TMEM108: variants seen among roughly 807,000 people sequenced by gnomAD.
TMEM108 encodes transmembrane protein 108, also known as cancer/testis antigen 124.
A neutral mutation model predicts 35.1 loss-of-function variants in TMEM108; 12 were observed. The ratio of observed to expected loss-of-function variants is 0.34; its 90% CI spans 0.22 to 0.55. The LOEUF (loss-of-function observed/expected upper bound fraction) is 0.55. TMEM108 is among the 20% of genes least tolerant of loss of function. TMEM108 has a pLI of 0.89. For missense variants in TMEM108, 680 were observed against 753.3 expected (o/e 0.90, Z 1.14); for synonymous variants, 287 against 308.6 (o/e 0.93, Z 0.73).
At chr3:133,044,366 A>G (rs1014438843) in intron 1 of TMEM108, among the ~76,000 whole-genome samples, 2 of 152,154 alleles carry the variant, frequency 1.3e-5, no homozygotes, top group South Asian at 2.1e-4. Context: ...CTGTGACTCT[A>G]AGAAATTGTA....
rs573355835 is a variant in TMEM108 at position 133,297,138 on chromosome 3, A to T, written c.40+67787A>T. ...ATAATGCTCATTAGGCTTATAGCTC[A>T]CGCAAATTTAATTCAGAGTATTTCA... On this transcript the variant is annotated intron_variant, in intron 3 of 5. Coordinates refer to ENST00000321871, the MANE Select transcript of TMEM108 (RefSeq NM_023943.4). Among the ~76,000 whole-genome samples the T allele has an allele frequency of 2.0e-5, 3 of 152,378 alleles. No homozygotes were observed. The South Asian group carries it at 6.2e-4, about 32-fold the overall frequency.
chr3:133,311,871 A>G (rs896542209), intron 3 of TMEM108, among the ~76,000 whole-genome samples: 3 of 152,146 alleles, frequency 2.0e-5, no homozygotes, highest in African/African-American at 7.2e-5. Flanking sequence ...GTCTTTGATG[A>G]TGGTGACCTA....
At chr3:133,311,617 C>G (rs1338548988) in intron 3 of TMEM108, among the ~76,000 whole-genome samples, 9 of 152,140 alleles carry the variant, frequency 5.9e-5, no homozygotes, top group Admixed American at 4.6e-4. Context: ...TTCATCTAAC[C>G]TTTTTTCAAC....
chr3:133,376,928 G>A (rs73209845), intron 3 of TMEM108, among the ~76,000 whole-genome samples: 32 of 152,270 alleles, frequency 2.1e-4, no homozygotes, highest in Non-Finnish European at 4.0e-4. Flanking sequence ...CATTTGAGGA[G>A]GATGGAAGTC....
intron 2 of TMEM108, among the ~76,000 whole-genome samples, chr3:133,196,886 A>G (rs540715762): frequency 7.4e-4 from 113 of 152,340 alleles, no homozygotes; most frequent in African/African-American, 2.5e-3. Flanking sequence ...AATCCCGGGT[A>G]GACTTCTCGT....
intron 3 of TMEM108, among the ~76,000 whole-genome samples, chr3:133,291,748 C>T (rs754472611): frequency 6.6e-6 from 1 of 152,144 alleles, no homozygotes; most frequent in Non-Finnish European, 1.5e-5. Context: ...CATTATATTA[C>T]GCTGCCTAAG....
chr3:133,117,210 A>G (rs1270703887), intron 2 of TMEM108, among the ~76,000 whole-genome samples: 1 of 152,244 alleles, frequency 6.6e-6, no homozygotes, highest in Admixed American at 6.5e-5. Flanking sequence ...TTAGTCCTCA[A>G]TGGAACAAGT....
At chr3:133,115,427 A>G (rs934018261) in intron 2 of TMEM108, among the ~76,000 whole-genome samples, 1 of 152,226 alleles carries the variant, frequency 6.6e-6, no homozygotes, top group Non-Finnish European at 1.5e-5. Flanking sequence ...CCCCAAGAGG[A>G]AAATGCCATC....
intron 3 of TMEM108, among the ~76,000 whole-genome samples, chr3:133,272,274 T>C (rs893241820): frequency 5.6e-5 from 6 of 106,566 alleles, no homozygotes; most frequent in Admixed American, 5.1e-4. Context: ...TACACGTACG[T>C]GTGTGTGTGT....
intron 2 of TMEM108, among the ~76,000 whole-genome samples, chr3:133,129,030 A>G (rs1944453679): frequency 6.6e-6 from 1 of 152,124 alleles, no homozygotes; most frequent in Non-Finnish European, 1.5e-5. Context: ...TCTGGCATAA[A>G]GTCCCCAATG....
intron 2 of TMEM108, among the ~76,000 whole-genome samples, chr3:133,080,199 C>G (rs1309405670): frequency 6.6e-6 from 1 of 152,152 alleles, no homozygotes. Context: ...TTATCCCTAA[C>G]AGGGATAATG....
At position 133,269,234 on chromosome 3, in the gene TMEM108, G is replaced by C. The variant is rs189223407; in HGVS notation, c.40+39883G>C. Among the ~76,000 whole-genome samples the C allele has an allele frequency of 7.7e-4, 118 of 152,276 alleles. 1 individual carries two copies. The highest frequency in any genetic ancestry group is 2.6e-3 in the African/African-American group (107 of 41,570). On this transcript the variant is annotated intron_variant, in intron 3 of 5. Transcript: ENST00000321871. ...GCTGCTAGTTCTGCAAAGAGAAATAGAGAAAGAGGGGGAGGGAGGGAGGCA... is the reference window on the plus strand; with the variant it reads ...GCTGCTAGTTCTGCAAAGAGAAATACAGAAAGAGGGGGAGGGAGGGAGGCA...
At chr3:133,047,299 G>C (rs537187571) in intron 2 of TMEM108, among the ~76,000 whole-genome samples, 1 of 152,220 alleles carries the variant, frequency 6.6e-6, no homozygotes, top group Non-Finnish European at 1.5e-5. Context: ...TGTATATCCT[G>C]TATTTTAAAA....
rs983223902 is a variant in TMEM108, at chr3:133,378,432, G to A, written c.41-1320G>A. 8 of 985,378 alleles carry A rather than the reference G, an allele frequency of 8.1e-6. No homozygotes were observed. In the African/African-American group the frequency reaches 1.2e-4, roughly 15 times the overall value. 61.0% of individuals were successfully genotyped at this position (985,378 alleles called of 1,614,324 possible). On this transcript the variant is annotated intron_variant, in intron 3 of 5. Transcript: ENST00000321871. ...TGCTGGAATCTGATGGAGGAAAGACGCTCTGAGAGAGTAATTAGACGCAGA... is the reference window on the plus strand; with the variant it reads ...TGCTGGAATCTGATGGAGGAAAGACACTCTGAGAGAGTAATTAGACGCAGA...
At chr3:133,320,071 C>T (rs890128546) in intron 3 of TMEM108, among the ~76,000 whole-genome samples, 1 of 152,102 alleles carries the variant, frequency 6.6e-6, no homozygotes, top group Non-Finnish European at 1.5e-5. Context: ...AGTTCAAGAC[C>T]AGCCTGGGCA....
At chr3:133,061,570 A>G (rs1297391367) in intron 2 of TMEM108, among the ~76,000 whole-genome samples, 7 of 152,196 alleles carry the variant, frequency 4.6e-5, no homozygotes, top group Non-Finnish European at 5.9e-5. Context: ...TGCCCTACTG[A>G]CCAAGTGCTT....
intron 2 of TMEM108, among the ~76,000 whole-genome samples, chr3:133,063,845 C>T (rs1434787295): frequency 6.6e-6 from 1 of 152,090 alleles, no homozygotes; most frequent in East Asian, 1.9e-4. Flanking sequence ...GAGGGGCTGC[C>T]TTGAGACCAA....
intron 2 of TMEM108, among the ~76,000 whole-genome samples, chr3:133,171,467 C>G (rs1945130136): frequency 6.6e-6 from 1 of 152,156 alleles, no homozygotes; most frequent in Admixed American, 6.5e-5. Context: ...ACCTCAAACT[C>G]CTGGACTCAA....
chr3:133,155,784 G>A lies in TMEM108; in HGVS notation c.-46-73482G>A, dbSNP rs114493357. The stretch of plus-strand genomic sequence containing the variant: ...GTATAGTTTGCAGATATTTTCTCCC[G>A]TTCTGTGGGTTGTCTGTTTATTCTG... On this transcript the variant is annotated intron_variant, in intron 2 of 5. Transcript: ENST00000321871. Among the ~76,000 whole-genome samples, 1,482 of 152,016 alleles carry A rather than the reference G, an allele frequency of 9.7e-3. 18 individuals carry two copies. The highest frequency in any genetic ancestry group is 0.014 in the Non-Finnish European group (958 of 67,938).
Sources: allele counts gnomAD v4.1 joint callset (sites outside exome capture counted in the v4.1 genomes callset), GRCh38; gene constraint gnomAD v4.1.1; transcripts MANE v1.5; gene names NCBI Gene and HGNC (gene_info 2026-07-23, HGNC 2026-07-21).